The following TAF3 variants were observed in gnomAD, a reference collection of about 807,000 sequenced individuals.
The protein encoded by TAF3 is transcription initiation factor TFIID subunit 3.
TAF3 carries 7 observed loss-of-function variants against 80.6 expected under a neutral mutation model. The ratio of observed to expected loss-of-function variants is 0.09; its 90% CI spans 0.05 to 0.16. The LOEUF (loss-of-function observed/expected upper bound fraction) is 0.16, where lower values mean the gene tolerates loss of function less well. Among genes scored for constraint, TAF3 ranks in the 10% least tolerant of loss-of-function variants. The pLI, the probability that TAF3 is intolerant of heterozygous loss-of-function variation, is 1.00. For synonymous variants in TAF3, 444 were observed against 446.1 expected (o/e 1.00, Z 0.06); for missense variants, 921 against 1,140.2 (o/e 0.81, Z 2.77).
chr10:7,932,384 G>C (rs1019016450), intron 2 of TAF3, among the ~76,000 whole-genome samples: 3 of 152,172 alleles, frequency 2.0e-5, no homozygotes, highest in African/African-American at 7.2e-5. Context: ...TGTTCCAGCA[G>C]ATAGCACACA....
intron 2 of TAF3, among the ~76,000 whole-genome samples, chr10:7,861,916 G>T (rs1312783): frequency 0.64 from 96,763 of 151,888 alleles, 31,297 homozygotes; most frequent in South Asian, 0.88. Flanking sequence ...CTTCTGAGAC[G>T]CCAATTAAAC....
At chr10:7,937,740 AC>A (rs1195334441) in intron 2 of TAF3, among the ~76,000 whole-genome samples, 3 of 152,238 alleles carry the variant, frequency 2.0e-5, no homozygotes, top group African/African-American at 7.2e-5. Flanking sequence ...ACAGCACCTA[AC>A]ATTTCAAGAG....
At chr10:7,985,397 CT>C (rs1183998769) in intron 4 of TAF3, among the ~76,000 whole-genome samples, 1 of 152,224 alleles carries the variant, frequency 6.6e-6, no homozygotes, top group East Asian at 1.9e-4. Context: ...TCTTCCTCTT[CT>C]TTTTTCTCAT....
chr10:7,831,301 T>C (rs1836797457), intron 2 of TAF3, among the ~76,000 whole-genome samples: 1 of 152,186 alleles, frequency 6.6e-6, no homozygotes. Flanking sequence ...TTTAATACTC[T>C]ATCATTGTGA....
chr10:7,843,252 C>T (rs543313301), intron 2 of TAF3, among the ~76,000 whole-genome samples: 1 of 152,046 alleles, frequency 6.6e-6, no homozygotes, highest in Non-Finnish European at 1.5e-5. Flanking sequence ...GGACTACCAG[C>T]TTGCACCACC....
intron 2 of TAF3, among the ~76,000 whole-genome samples, chr10:7,907,238 G>A (rs1227990832): frequency 3.9e-5 from 6 of 152,102 alleles, no homozygotes; most frequent in South Asian, 2.1e-4. Flanking sequence ...CAACACCCTC[G>A]GAATCACAGC....
At chr10:7,896,161 A>G (rs1330090816) in intron 2 of TAF3, among the ~76,000 whole-genome samples, 1 of 152,134 alleles carries the variant, frequency 6.6e-6, no homozygotes, top group Middle Eastern at 3.4e-3. Context: ...ACCTTGTTCT[A>G]TTGTGTATGC....
intron 3 of TAF3, among the ~76,000 whole-genome samples, chr10:7,973,570 A>G (rs1334823489): frequency 6.6e-6 from 1 of 152,234 alleles, no homozygotes; most frequent in Admixed American, 6.5e-5. Context: ...TGGTTTCTCC[A>G]TATATGATCA....
intron 2 of TAF3, among the ~76,000 whole-genome samples, chr10:7,852,198 C>T (rs1159069719): frequency 6.6e-6 from 1 of 152,154 alleles, no homozygotes; most frequent in Non-Finnish European, 1.5e-5. Context: ...GATCCTCTTG[C>T]CTCAGCATTC....
intron 2 of TAF3, among the ~76,000 whole-genome samples, chr10:7,827,355 G>C (rs1318737776): frequency 6.6e-6 from 1 of 152,122 alleles, no homozygotes; most frequent in Non-Finnish European, 1.5e-5. Flanking sequence ...ATATAAAATT[G>C]GACAGTGTTT....
At chr10:7,954,992 C>T (rs1342433509) in intron 2 of TAF3, among the ~76,000 whole-genome samples, 2 of 150,848 alleles carry the variant, frequency 1.3e-5, no homozygotes, top group African/African-American at 4.9e-5. Context: ...TTAGAGTGCA[C>T]TCCATAGGTG....
intron 2 of TAF3, among the ~76,000 whole-genome samples, chr10:7,851,226 CAA>C (rs1837023853): frequency 6.6e-6 from 1 of 152,118 alleles, no homozygotes; most frequent in Non-Finnish European, 1.5e-5. Context: ...AACATTCTAG[CAA>C]AGACTTCAAA....
chr10:7,912,728 T>C (rs935037320), intron 2 of TAF3, among the ~76,000 whole-genome samples: 25 of 152,224 alleles, frequency 1.6e-4, no homozygotes, highest in African/African-American at 6.0e-4. Flanking sequence ...AATATTTCCC[T>C]ACAAATCCAG....
At chr10:7,862,166 A>G (rs1212995506) in intron 2 of TAF3, among the ~76,000 whole-genome samples, 3 of 152,150 alleles carry the variant, frequency 2.0e-5, no homozygotes, top group African/African-American at 7.2e-5. Context: ...GCCAGTGAAT[A>G]TATTTTCCTT....
intron 3 of TAF3, among the ~76,000 whole-genome samples, chr10:7,976,249 C>CTTT (rs1042340982): frequency 3.6e-5 from 5 of 139,808 alleles, no homozygotes; most frequent in African/African-American, 1.3e-4. Flanking sequence ...TTTCTTTTTT[C>CTTT]TTTTTTTTTT....
At chr10:7,888,893 A>G (rs1180851095) in intron 2 of TAF3, among the ~76,000 whole-genome samples, 1 of 152,088 alleles carries the variant, frequency 6.6e-6, no homozygotes, top group Non-Finnish European at 1.5e-5. Context: ...TTTCTTCTCT[A>G]CTGTTGGTGT....
chr10:7,876,204 C>T (rs1372619257), intron 2 of TAF3, among the ~76,000 whole-genome samples: 1 of 152,030 alleles, frequency 6.6e-6, no homozygotes, highest in Non-Finnish European at 1.5e-5. Context: ...ATGAAATCGA[C>T]TATTTTAGTA....
At chr10:7,999,107 A>G (rs1180456151) in intron 4 of TAF3, among the ~76,000 whole-genome samples, 1 of 152,116 alleles carries the variant, frequency 6.6e-6, no homozygotes, top group East Asian at 1.9e-4. Context: ...GAAGGTAGGC[A>G]GGGAGGAAAG....
At chr10:8,002,384 A>G (rs1831953165) in intron 4 of TAF3, among the ~76,000 whole-genome samples, 1 of 152,210 alleles carries the variant, frequency 6.6e-6, no homozygotes, top group Non-Finnish European at 1.5e-5. Flanking sequence ...ATGGATAGAA[A>G]AATACACTAA....
Sources: allele counts gnomAD v4.1 joint callset (sites outside exome capture counted in the v4.1 genomes callset), GRCh38; gene constraint gnomAD v4.1.1; transcripts MANE v1.5; gene names NCBI Gene and HGNC (gene_info 2026-07-23, HGNC 2026-07-21).